Variants in RSRC1 observed in about 807,000 individuals in gnomAD.
RSRC1 encodes serine/Arginine-related protein 53.
In RSRC1, 39 loss-of-function variants were observed where a neutral mutation model predicts 49.1. The observed-to-expected ratio is 0.79, with a 90% confidence interval of 0.61 to 1.04. The LOEUF (loss-of-function observed/expected upper bound fraction) is 1.04. Among genes scored for constraint, RSRC1 ranks in the 50% least tolerant of loss-of-function variants. The pLI, the probability that RSRC1 is intolerant of heterozygous loss-of-function variation, is 0.00. For missense variants in RSRC1, 388 were observed against 402.4 expected (o/e 0.96, Z 0.31); for synonymous variants, 143 against 130.8 (o/e 1.09, Z -0.63).
chr3:158,333,320 C>T (rs2108199481), intron 5 of RSRC1, among the ~76,000 whole-genome samples: 1 of 152,338 alleles, frequency 6.6e-6, no homozygotes, highest in South Asian at 2.1e-4. Context: ...TGCAGTTCTT[C>T]TGACATCCAA....
intron 4 of RSRC1, among the ~76,000 whole-genome samples, chr3:158,264,654 G>A (rs889282793): frequency 1.3e-5 from 2 of 152,144 alleles, no homozygotes; most frequent in South Asian, 4.1e-4. Flanking sequence ...TCAATCCTAT[G>A]AACATTCTTA....
intron 6 of RSRC1, among the ~76,000 whole-genome samples, chr3:158,400,699 T>A (rs1053239954): frequency 2.0e-5 from 3 of 152,064 alleles, no homozygotes; most frequent in African/African-American, 2.4e-5. Flanking sequence ...AGAATAAGGA[T>A]ATGAAGAAAG....
At chr3:158,292,606 A>T (rs1411543214) in intron 4 of RSRC1, among the ~76,000 whole-genome samples, 2 of 152,204 alleles carry the variant, frequency 1.3e-5, no homozygotes, top group African/African-American at 4.8e-5. Context: ...CATGACAGGG[A>T]CAACCCAAGA....
At chr3:158,229,921 T>C (rs1034379194) in intron 4 of RSRC1, among the ~76,000 whole-genome samples, 1 of 152,054 alleles carries the variant, frequency 6.6e-6, no homozygotes, top group African/African-American at 2.4e-5. Flanking sequence ...TTAACATTTG[T>C]ACAATATGAT....
chr3:158,362,665 G>A (rs1175225942), intron 6 of RSRC1, among the ~76,000 whole-genome samples: 5 of 152,162 alleles, frequency 3.3e-5, no homozygotes, highest in African/African-American at 1.2e-4. Flanking sequence ...TTATTTCACA[G>A]GGGATGGAGG....
At chr3:158,172,825 G>C (rs1477700605) in intron 3 of RSRC1, among the ~76,000 whole-genome samples, 1 of 151,956 alleles carries the variant, frequency 6.6e-6, no homozygotes, top group African/African-American at 2.4e-5. Flanking sequence ...ATAAGTTTAG[G>C]CTCTGCCTAA....
intron 6 of RSRC1, among the ~76,000 whole-genome samples, chr3:158,418,290 C>G (rs1468634524): frequency 1.3e-5 from 2 of 151,920 alleles, no homozygotes; most frequent in Admixed American, 1.3e-4. Flanking sequence ...AAAGTCTGTT[C>G]AGAAAATATG....
At chr3:158,416,327 A>C (rs1390626322) in intron 6 of RSRC1, among the ~76,000 whole-genome samples, 3 of 151,980 alleles carry the variant, frequency 2.0e-5, no homozygotes, top group African/African-American at 7.2e-5. Context: ...CTTCCTTTGA[A>C]TCTGGCTTTG....
chr3:158,444,928 A>G (rs1293505497), intron 6 of RSRC1, among the ~76,000 whole-genome samples: 12 of 152,238 alleles, frequency 7.9e-5, no homozygotes, highest in African/African-American at 2.2e-4. Flanking sequence ...GGCCATCAGA[A>G]AAATGCAAAT....
intron 1 of RSRC1, among the ~76,000 whole-genome samples, chr3:158,116,267 G>C (rs1313949310): frequency 6.6e-6 from 1 of 152,000 alleles, no homozygotes; most frequent in Non-Finnish European, 1.5e-5. Flanking sequence ...TTCAAGAAAA[G>C]GTTTTCCAGA....
chr3:158,162,195 C>T (rs1199476703), intron 3 of RSRC1, among the ~76,000 whole-genome samples: 4 of 152,082 alleles, frequency 2.6e-5, no homozygotes, highest in Non-Finnish European at 5.9e-5. Context: ...GGTGGCTTCT[C>T]AAAATACTCT....
intron 4 of RSRC1, among the ~76,000 whole-genome samples, chr3:158,227,527 G>C (rs1722594646): frequency 6.6e-6 from 1 of 151,916 alleles, no homozygotes. Context: ...AGGATCACAT[G>C]ATATAAAATG....
At chr3:158,510,861 A>G (rs1002340823) in intron 7 of RSRC1, among the ~76,000 whole-genome samples, 2 of 152,156 alleles carry the variant, frequency 1.3e-5, no homozygotes, top group African/African-American at 4.8e-5. Flanking sequence ...TTGTTCTTCC[A>G]TATGAATCAG....
intron 6 of RSRC1, among the ~76,000 whole-genome samples, chr3:158,364,854 A>G (rs1219144492): frequency 6.8e-6 from 1 of 146,672 alleles, no homozygotes; most frequent in African/African-American, 2.5e-5. Flanking sequence ...AATAATATGT[A>G]CCTTGTAGAG....
intron 3 of RSRC1, among the ~76,000 whole-genome samples, chr3:158,195,349 T>G (rs1234832257): frequency 5.2e-4 from 79 of 150,844 alleles, no homozygotes; most frequent in African/African-American, 1.8e-3. Flanking sequence ...GGGGTTGTTT[T>G]TTTTTTTCTT....
intron 3 of RSRC1, among the ~76,000 whole-genome samples, chr3:158,192,097 C>G (rs1720274987): frequency 6.6e-6 from 1 of 151,546 alleles, no homozygotes; most frequent in African/African-American, 2.4e-5. Flanking sequence ...TCACTTTTTG[C>G]TACTTGCAAT....
chr3:158,510,608 A>G (rs1487269794), intron 7 of RSRC1, among the ~76,000 whole-genome samples: 1 of 152,224 alleles, frequency 6.6e-6, no homozygotes, highest in Non-Finnish European at 1.5e-5. Context: ...ACATCACAGA[A>G]AATGGGGTAC....
intron 3 of RSRC1, among the ~76,000 whole-genome samples, chr3:158,146,562 T>C (rs1273756375): frequency 6.6e-6 from 1 of 152,260 alleles, no homozygotes; most frequent in East Asian, 1.9e-4. Flanking sequence ...TGTGTCAATG[T>C]ACATCAGGGA....
chr3:158,196,098 A>G (rs535055014), intron 3 of RSRC1, among the ~76,000 whole-genome samples: 18 of 152,128 alleles, frequency 1.2e-4, no homozygotes, highest in African/African-American at 3.9e-4. Flanking sequence ...CAGTATGGCC[A>G]TTTTCACGAT....
Sources: gnomAD v4.1 joint callset for allele counts (sites outside exome capture counted in the v4.1 genomes callset) on GRCh38, gnomAD v4.1.1 for gene constraint, MANE v1.5 for transcripts, NCBI Gene and HGNC (gene_info 2026-07-23, HGNC 2026-07-21) for gene names.